The following KLF8 variants were observed in gnomAD, a reference collection of about 807,000 sequenced individuals.
KLF8 encodes the protein Krueppel-like factor 8.
In KLF8, 10 loss-of-function variants were observed where a neutral mutation model predicts 18.2. That is an observed-to-expected ratio of 0.55 (90% CI 0.34 to 0.93). The LOEUF is 0.93. KLF8 is among the 40% of genes least tolerant of loss of function. The pLI, the probability that KLF8 is intolerant of heterozygous loss-of-function variation, is 0.02. For synonymous variants in KLF8, 109 were observed against 97.3 expected (o/e 1.12, Z -0.71); for missense variants, 264 against 277.9 (o/e 0.95, Z 0.36).
At chrX:56,047,914 C>T in the KLF8 span, among the ~76,000 whole-genome samples, 1 of 111,703 alleles carries the variant, frequency 9.0e-6, no homozygotes, top group African/African-American at 3.3e-5. Context: ...TCTCCACATC[C>T]TCTCCAGCAC....
chrX:56,025,206 T>C, the KLF8 span, among the ~76,000 whole-genome samples: 1 of 112,647 alleles, frequency 8.9e-6, no homozygotes, highest in African/African-American at 3.2e-5. Flanking sequence ...GAATCTCAGG[T>C]ACTGGCACAT....
the KLF8 span, among the ~76,000 whole-genome samples, chrX:56,008,630 C>T: frequency 2.7e-5 from 3 of 112,072 alleles, no homozygotes; most frequent in Admixed American, 9.4e-5. Flanking sequence ...TGCCTGACTA[C>T]TGAGTTCCCA....
At chrX:56,169,327 G>A in the KLF8 span, among the ~76,000 whole-genome samples, 1 of 111,435 alleles carries the variant, frequency 9.0e-6, no homozygotes, top group Non-Finnish European at 1.9e-5. Flanking sequence ...GAAAAGTAAA[G>A]GGGACTTTGT....
chrX:56,064,199 C>A, the KLF8 span, among the ~76,000 whole-genome samples: 2 of 107,399 alleles, frequency 1.9e-5, no homozygotes, highest in African/African-American at 6.8e-5. Flanking sequence ...TGTGGGTCTT[C>A]AAAATGGTGC....
the KLF8 span, among the ~76,000 whole-genome samples, chrX:56,016,757 AAT>A: frequency 2.7e-5 from 3 of 111,738 alleles, no homozygotes; most frequent in African/African-American, 9.7e-5. Context: ...AGTGCCACAC[AAT>A]ATGTTAATAT....
chrX:56,088,046 A>C, the KLF8 span, among the ~76,000 whole-genome samples: 1 of 111,404 alleles, frequency 9.0e-6, no homozygotes, highest in South Asian at 3.7e-4. Context: ...GAAGACTCTA[A>C]TCCACATACA....
At chrX:55,966,102 C>A in the KLF8 span, among the ~76,000 whole-genome samples, 2 of 112,234 alleles carry the variant, frequency 1.8e-5, no homozygotes, top group Middle Eastern at 4.6e-3. Flanking sequence ...GGCTTGAGTG[C>A]CAGCTTAGCT....
At chrX:55,999,339 C>A in the KLF8 span, among the ~76,000 whole-genome samples, 9,080 of 71,752 alleles carry the variant, frequency 0.13, 1,574 homozygotes, top group African/African-American at 0.43. Flanking sequence ...TTTTGGTTCC[C>A]TGTCAATTGT....
At chrX:56,216,971 ATC>A in the KLF8 span, among the ~76,000 whole-genome samples, 1 of 111,181 alleles carries the variant, frequency 9.0e-6, no homozygotes, top group Non-Finnish European at 1.9e-5. Flanking sequence ...GCTAGCTCAC[ATC>A]TCTCTCATAG....
chrX:55,945,543 G>A, the KLF8 span, among the ~76,000 whole-genome samples: 2 of 111,101 alleles, frequency 1.8e-5, no homozygotes, highest in Admixed American at 9.7e-5. Flanking sequence ...TACTGAATGG[G>A]CAAAAACTGG....
chrX:56,009,162 C>T, the KLF8 span, among the ~76,000 whole-genome samples: 2 of 111,332 alleles, frequency 1.8e-5, no homozygotes, highest in African/African-American at 6.5e-5. Context: ...CAAAAGGGGT[C>T]TCTAGGCATC....
rs2066688046 is a variant in KLF8, at chrX:56,250,296, T to C, written c.73T>C (p.Phe25Leu). The C allele has an allele frequency of 2.5e-6, 3 of 1,197,322 alleles. No individual in the cohort carries two copies. Among genetic ancestry groups the C allele is most frequent in the African/African-American group, 1.8e-5 (1 of 57,056 alleles). ...LNSEGGSMQV[F>L]KQVTASVRNR... ...TTCAGAAGGTGGCTCAATGCAGGTATTCAAGCAGGTCAGTTATCAGGAAAA... is the reference window on the plus strand; with the variant it reads ...TTCAGAAGGTGGCTCAATGCAGGTACTCAAGCAGGTCAGTTATCAGGAAAA... Residue 25 changes from phenylalanine (F) to leucine (L), a missense_variant, in exon 2 of 6, where the codon TTC (phenylalanine) becomes CTC (leucine). Physicochemically the swap from Phe to Leu is conservative, Grantham distance 22. Transcript: ENST00000468660.
the KLF8 span, among the ~76,000 whole-genome samples, chrX:55,934,068 C>T: frequency 1.8e-5 from 2 of 111,935 alleles, no homozygotes; most frequent in Non-Finnish European, 3.8e-5. Context: ...TATGGTACTA[C>T]TTAATTCATC....
At chrX:56,016,607 A>G in the KLF8 span, among the ~76,000 whole-genome samples, 32 of 111,796 alleles carry the variant, frequency 2.9e-4, no homozygotes, top group African/African-American at 9.1e-4. Context: ...TAACATTATA[A>G]GAACTATTAT....
chrX:55,915,447 A>G, the KLF8 span, among the ~76,000 whole-genome samples: 1 of 111,898 alleles, frequency 8.9e-6, no homozygotes, highest in Admixed American at 9.5e-5. Flanking sequence ...GTGTAATGCA[A>G]TGTACAAATG....
chrX:56,238,703 C>T (rs2066509415), intron 1 of KLF8, among the ~76,000 whole-genome samples: 1 of 111,924 alleles, frequency 8.9e-6, no homozygotes, highest in Non-Finnish European at 1.9e-5. Context: ...TATGTAAGCT[C>T]TTACCGCAGT....
chrX:56,159,959 T>C, the KLF8 span, among the ~76,000 whole-genome samples: 1 of 111,729 alleles, frequency 9.0e-6, no homozygotes, highest in Non-Finnish European at 1.9e-5. Flanking sequence ...CTTGCTTCTC[T>C]AGTTCTTTTA....
At chrX:56,035,454 A>G in the KLF8 span, among the ~76,000 whole-genome samples, 1 of 112,076 alleles carries the variant, frequency 8.9e-6, no homozygotes. Context: ...TCTTTGACAT[A>G]CTGTTTTTAT....
At chrX:56,154,827 T>C in the KLF8 span, among the ~76,000 whole-genome samples, 32 of 111,909 alleles carry the variant, frequency 2.9e-4, no homozygotes, top group African/African-American at 1.0e-3. Context: ...AAGAAGACAT[T>C]TATGCAGCCA....
Sources: allele counts gnomAD v4.1 joint callset (sites outside exome capture counted in the v4.1 genomes callset), GRCh38; gene constraint gnomAD v4.1.1; transcripts MANE v1.5; gene names NCBI Gene and HGNC (gene_info 2026-07-23, HGNC 2026-07-21).